The following GALNT13 variants were observed in gnomAD, a reference collection of about 807,000 sequenced individuals.
GALNT13 encodes the protein UDP-GalNAc:polypeptide N-acetylgalactosaminyltransferase 13.
Under a neutral mutation model 64.2 loss-of-function variants are expected in GALNT13, and 28 were observed. That is an observed-to-expected ratio of 0.44 (90% CI 0.32 to 0.60). The LOEUF is 0.60. Ranked by LOEUF, GALNT13 falls within the 20% of genes least tolerant of loss-of-function variation. The pLI, the probability that GALNT13 is intolerant of heterozygous loss-of-function variation, is 0.05. For synonymous variants in GALNT13, 214 were observed against 224.6 expected, an observed-to-expected ratio of 0.95 and a Z score of 0.42; for missense variants, 577 against 669.8, an observed-to-expected ratio of 0.86 and a Z score of 1.53.
chr2:154,292,423 C>T (rs1232817538), intron 8 of GALNT13, among the ~76,000 whole-genome samples: 1 of 152,206 alleles, frequency 6.6e-6, no homozygotes, highest in African/African-American at 2.4e-5. Flanking sequence ...ATAAATCACT[C>T]ATTTACTCAA....
intron 9 of GALNT13, among the ~76,000 whole-genome samples, chr2:154,329,039 G>A (rs10200149): frequency 0.13 from 19,462 of 151,930 alleles, 1,282 homozygotes; most frequent in Middle Eastern, 0.19. Flanking sequence ...TATATACTTT[G>A]TACTACTACT....
chr2:154,373,990 G>A (rs569217515), intron 9 of GALNT13, among the ~76,000 whole-genome samples: 2 of 152,286 alleles, frequency 1.3e-5, no homozygotes, highest in East Asian at 3.9e-4. Context: ...ACTCCTCAAA[G>A]CCTTTTGTGA....
the GALNT13 span, among the ~76,000 whole-genome samples, chr2:153,383,029 C>A: frequency 2.0e-5 from 3 of 151,950 alleles, no homozygotes; most frequent in Non-Finnish European, 2.9e-5. Flanking sequence ...TTAAATAATT[C>A]TTTTTTAAAA....
intron 9 of GALNT13, among the ~76,000 whole-genome samples, chr2:154,328,034 G>GT (rs566505833): frequency 6.6e-5 from 10 of 151,848 alleles, no homozygotes; most frequent in Admixed American, 2.6e-4. Context: ...TAGCACTTCT[G>GT]TTTTTTTATT....
At chr2:153,554,010 T>G in the GALNT13 span, among the ~76,000 whole-genome samples, 1 of 152,130 alleles carries the variant, frequency 6.6e-6, no homozygotes, top group Admixed American at 6.5e-5. Flanking sequence ...TGGCACAAAC[T>G]GGGATACAGG....
At chr2:153,899,075 C>A (rs2105287466) in intron 1 of GALNT13, among the ~76,000 whole-genome samples, 1 of 152,280 alleles carries the variant, frequency 6.6e-6, no homozygotes, top group South Asian at 2.1e-4. Context: ...TATGAGAAAT[C>A]TTCTGCTTTT....
the GALNT13 span, among the ~76,000 whole-genome samples, chr2:153,304,726 AAAAT>A: frequency 5.7e-3 from 869 of 152,322 alleles, 7 homozygotes; most frequent in African/African-American, 0.019. Flanking sequence ...GGGCAAATAA[AAAAT>A]AAATAAAATG....
At chr2:153,184,393 A>T in the GALNT13 span, among the ~76,000 whole-genome samples, 33 of 152,276 alleles carry the variant, frequency 2.2e-4, no homozygotes, top group African/African-American at 7.7e-4. Context: ...GATTTTGTAG[A>T]TATAGGATTA....
the GALNT13 span, among the ~76,000 whole-genome samples, chr2:153,163,833 C>A: frequency 6.6e-6 from 1 of 152,020 alleles, no homozygotes; most frequent in East Asian, 1.9e-4. Flanking sequence ...TCCTGGCTAA[C>A]ACGGTGAAAC....
At chr2:153,291,570 T>G in the GALNT13 span, among the ~76,000 whole-genome samples, 1 of 152,112 alleles carries the variant, frequency 6.6e-6, no homozygotes, top group African/African-American at 2.4e-5. Flanking sequence ...ACCACCATGC[T>G]GGGCCAGGGG....
At position 154,155,797 on chromosome 2, in the gene GALNT13, A is replaced by G. The variant is rs556143645; in HGVS notation, c.311+15292A>G. Among the ~76,000 whole-genome samples the G allele has an allele frequency of 5.3e-5, 8 of 152,076 alleles. No homozygotes were observed. The South Asian group carries it at 1.2e-3, about 24-fold the overall frequency. On this transcript the variant is annotated intron_variant, in intron 4 of 12. Coordinates refer to ENST00000392825, the MANE Select transcript of GALNT13 (RefSeq NM_052917.4). ...TTGAATTTTAATATTTAATGTTGCTATGTAATTTTGTTCATTAAGAATATT... is the reference window on the plus strand; with the variant it reads ...TTGAATTTTAATATTTAATGTTGCTGTGTAATTTTGTTCATTAAGAATATT...
intron 3 of GALNT13, among the ~76,000 whole-genome samples, chr2:154,127,921 A>G (rs1682388391): frequency 6.6e-6 from 1 of 151,874 alleles, no homozygotes; most frequent in African/African-American, 2.4e-5. Context: ...TTAAGAGGAA[A>G]CTATAAATAG....
At chr2:154,384,836 A>C (rs866215150) in intron 9 of GALNT13, among the ~76,000 whole-genome samples, 15 of 152,084 alleles carry the variant, frequency 9.9e-5, no homozygotes, top group African/African-American at 3.6e-4. Context: ...GAAACCATTC[A>C]GGAAATTTTT....
chr2:153,137,778 TAACC>T, the GALNT13 span, among the ~76,000 whole-genome samples: 4 of 151,284 alleles, frequency 2.6e-5, no homozygotes, highest in African/African-American at 9.7e-5. Context: ...TTTTCTAGGG[TAACC>T]AACCATCTGG....
intron 3 of GALNT13, among the ~76,000 whole-genome samples, chr2:154,049,065 A>G (rs537547456): frequency 1.4e-3 from 214 of 152,208 alleles, no homozygotes; most frequent in Non-Finnish European, 2.2e-4. Context: ...ATGCTTGCAT[A>G]AATTCCAAAG....
chr2:153,828,561 T>C, the GALNT13 span, among the ~76,000 whole-genome samples: 2 of 152,164 alleles, frequency 1.3e-5, no homozygotes, highest in African/African-American at 4.8e-5. Context: ...GTCCCTAGAC[T>C]ACACACAGCA....
chr2:153,558,031 C>T, the GALNT13 span, among the ~76,000 whole-genome samples: 1 of 152,172 alleles, frequency 6.6e-6, no homozygotes, highest in African/African-American at 2.4e-5. Context: ...GAAACTGTTT[C>T]TTTCCTTATC....
intron 3 of GALNT13, among the ~76,000 whole-genome samples, chr2:154,007,212 A>G (rs1338688904): frequency 6.6e-6 from 1 of 152,218 alleles, no homozygotes; most frequent in Non-Finnish European, 1.5e-5. Flanking sequence ...AGACTTTGTG[A>G]GCAGCTGTCA....
At chr2:153,431,219 T>C in the GALNT13 span, among the ~76,000 whole-genome samples, 24 of 152,106 alleles carry the variant, frequency 1.6e-4, no homozygotes, top group Admixed American at 1.6e-3. Context: ...TTTTTACTGA[T>C]GTTATAGTTG....
Sources: allele counts gnomAD v4.1 joint callset (sites outside exome capture counted in the v4.1 genomes callset), GRCh38; gene constraint gnomAD v4.1.1; transcripts MANE v1.5; gene names NCBI Gene and HGNC (gene_info 2026-07-23, HGNC 2026-07-21).